The following CTPS2 variants were observed in gnomAD, a reference collection of about 807,000 sequenced individuals.
The protein encoded by CTPS2 is CTP synthase II.
In CTPS2, 19 loss-of-function variants were observed where a neutral mutation model predicts 46.8. The ratio of observed to expected loss-of-function variants is 0.41; its 90% CI spans 0.28 to 0.60. CTPS2 has a LOEUF of 0.60. CTPS2 is among the 20% of genes least tolerant of loss of function. The pLI is 0.35. For missense variants in CTPS2, 286 were observed against 447.6 expected (o/e 0.64, Z 3.26); for synonymous variants, 151 against 165.2 (o/e 0.91, Z 0.66).
At chrX:16,676,787 C>T (rs1016473335) in intron 10 of CTPS2, among the ~76,000 whole-genome samples, 7 of 111,485 alleles carry the variant, frequency 6.3e-5, no homozygotes, top group Non-Finnish European at 1.3e-4. Flanking sequence ...CAGGGCTGGG[C>T]GTGGTGGCTC....
chrX:16,670,182 C>G (rs1921626310), intron 11 of CTPS2, among the ~76,000 whole-genome samples: 2 of 111,866 alleles, frequency 1.8e-5, no homozygotes, highest in South Asian at 7.4e-4. Context: ...GCAGATGGAG[C>G]CTTCTCCCAG....
At chrX:16,590,407 G>A (rs1325111432) in intron 18 of CTPS2, among the ~76,000 whole-genome samples, 3 of 111,589 alleles carry the variant, frequency 2.7e-5, no homozygotes, top group Admixed American at 9.6e-5. Context: ...AGTAGTTGCC[G>A]CAGGAACTGC....
chrX:16,632,965 C>T (rs1007766453), intron 14 of CTPS2, among the ~76,000 whole-genome samples: 2 of 111,568 alleles, frequency 1.8e-5, no homozygotes, highest in South Asian at 3.8e-4. Flanking sequence ...GATATGTATG[C>T]AAGCCAGTAG....
In CTPS2 at chrX:16,590,765, C is replaced by T. The variant is rs1424716104; in HGVS notation, c.*28G>A. On this transcript the variant is annotated 3_prime_UTR_variant, in exon 18 of 19. Transcript: ENST00000359276. ...ATTCCATCTTACCCTCACAGGCAGT[C>T]CCCATTATTCCCAGTCATGTATTCA... 3.8e-6 allele frequency: 4 copies of T among 1,064,342 alleles called. No individual in the cohort carries two copies. Among genetic ancestry groups the T allele is most frequent in the Admixed American group, 2.2e-5 (1 of 44,721 alleles). The allele number at this position is 1,064,342 out of a possible 1,213,427, so 87.7% of individuals were successfully genotyped here. A position where few individuals can be genotyped will look rare whatever the true frequency, so the allele number is the denominator to read the frequency against.
At chrX:16,688,678 A>G (rs1923443498) in intron 8 of CTPS2, among the ~76,000 whole-genome samples, 1 of 111,794 alleles carries the variant, frequency 8.9e-6, no homozygotes, top group African/African-American at 3.2e-5. Context: ...CAGTTAATGA[A>G]TGCAGGATGA....
rs1437448130 is a variant in CTPS2 at position 16,669,711 on chromosome X, T to C, written c.1189+869A>G. ...AAGAAGCTAATCAAAGAGCAGGTAA[T>C]GGGGGGAAATAAATGGTCTGCTGGC... is the stretch of plus-strand genomic sequence containing the variant. On this transcript the variant is annotated intron_variant, in intron 11 of 18. Coordinates refer to ENST00000359276, the MANE Select transcript of CTPS2 (RefSeq NM_175859.3). Among the ~76,000 whole-genome samples, 3 of 108,799 alleles carry C rather than the reference T, an allele frequency of 2.8e-5. No individual in the cohort carries two copies. The East Asian group carries it at 8.7e-4, about 32-fold the overall frequency. 94.5% of individuals were successfully genotyped at this position (108,799 alleles called of 115,157 possible).
chrX:16,683,297 C>G (rs949647794), intron 8 of CTPS2, 71 bp from the exon 9 acceptor site: 1 of 1,086,166 alleles, frequency 9.2e-7, no homozygotes. Context: ...ATGGCAGCTG[C>G]TGCTCTTACT....
intron 14 of CTPS2, among the ~76,000 whole-genome samples, chrX:16,638,134 A>AGT (rs1240198153): frequency 5.5e-5 from 6 of 109,499 alleles, no homozygotes; most frequent in African/African-American, 2.0e-4. Context: ...AGGCGCCTGT[A>AGT]GTCCCAGCTA....
At chrX:16,615,303 C>A (rs771188205) in intron 16 of CTPS2, among the ~76,000 whole-genome samples, 1 of 111,351 alleles carries the variant, frequency 9.0e-6, no homozygotes, top group South Asian at 3.8e-4. Context: ...CATGGCACTG[C>A]ACTCCAGCCT....
intron 13 of CTPS2, among the ~76,000 whole-genome samples, chrX:16,665,262 A>G (rs890703506): frequency 1.8e-5 from 2 of 112,900 alleles, no homozygotes; most frequent in Non-Finnish European, 3.7e-5. Flanking sequence ...CAGAATTACC[A>G]TATGACTCAG....
At chrX:16,599,467 C>CTTTTT (rs1009319649) in intron 17 of CTPS2, among the ~76,000 whole-genome samples, 3 of 94,561 alleles carry the variant, frequency 3.2e-5, no homozygotes, top group African/African-American at 1.2e-4. Flanking sequence ...TTTTCTTTTT[C>CTTTTT]TTTTTTTTCT....
chrX:16,671,883 T>C (rs781470933), intron 10 of CTPS2, among the ~76,000 whole-genome samples: 1 of 110,591 alleles, frequency 9.0e-6, no homozygotes, highest in East Asian at 2.8e-4. Flanking sequence ...CAAAGGAAAA[T>C]CGTCTGTGTG....
chrX:16,595,024 G>T (rs928528681), intron 17 of CTPS2, among the ~76,000 whole-genome samples: 3 of 112,652 alleles, frequency 2.7e-5, no homozygotes, highest in Non-Finnish European at 3.7e-5. Flanking sequence ...CGCCGTGAGC[G>T]CTACTCTATG....
intron 14 of CTPS2, among the ~76,000 whole-genome samples, chrX:16,629,549 G>A (rs888699745): frequency 3.7e-5 from 4 of 109,388 alleles, no homozygotes; most frequent in Admixed American, 9.7e-5. Flanking sequence ...TTTTTTACAT[G>A]GTTTTTCTTT....
At chrX:16,641,205 G>A (rs1384444937) in intron 13 of CTPS2, among the ~76,000 whole-genome samples, 6 of 111,955 alleles carry the variant, frequency 5.4e-5, no homozygotes, top group African/African-American at 1.6e-4. Flanking sequence ...GAAGTCCTAC[G>A]TGTATTCAGA....
intron 16 of CTPS2, among the ~76,000 whole-genome samples, chrX:16,611,166 G>A (rs73448254): frequency 0.013 from 1,413 of 111,826 alleles, 31 homozygotes; most frequent in African/African-American, 0.043. Context: ...AAATCTGCAC[G>A]TGGGCCAAGC....
At chrX:16,614,338 GA>G (rs1304826007) in intron 16 of CTPS2, among the ~76,000 whole-genome samples, 1 of 112,128 alleles carries the variant, frequency 8.9e-6, no homozygotes, top group Non-Finnish European at 1.9e-5. Flanking sequence ...TATCTTAACA[GA>G]AACAGGAGAA....
In CTPS2 at chrX:16,712,549, C is replaced by G. The variant is rs937573589; in HGVS notation, c.-254G>C. On this transcript the variant is annotated 5_prime_UTR_variant, in exon 1 of 19. Coordinates refer to ENST00000359276, the MANE Select transcript of CTPS2 (RefSeq NM_175859.3). ...CCTCTCCTCCCTGCTGCTGGCCCAGCTCACTCACGCTGGTGAGCTTGGGGT... is the reference window on the plus strand; with the variant it reads ...CCTCTCCTCCCTGCTGCTGGCCCAGGTCACTCACGCTGGTGAGCTTGGGGT... 7.1e-5 allele frequency: 8 copies of G among 113,063 alleles called. No individual in the cohort carries two copies. Among genetic ancestry groups the G allele is most frequent in the Non-Finnish European group, 1.3e-4 (7 of 53,347 alleles). 9.3% of individuals were successfully genotyped at this position (113,063 alleles called of 1,213,427 possible).
intron 17 of CTPS2, among the ~76,000 whole-genome samples, chrX:16,599,903 C>G (rs1407044626): frequency 9.1e-6 from 1 of 109,840 alleles, no homozygotes; most frequent in Admixed American, 9.7e-5. Flanking sequence ...CTCAGCCACC[C>G]AAGTAGCTGG....
Sources: allele counts gnomAD v4.1 joint callset (sites outside exome capture counted in the v4.1 genomes callset), GRCh38; gene constraint gnomAD v4.1.1; transcripts MANE v1.5; gene names NCBI Gene and HGNC (gene_info 2026-07-23, HGNC 2026-07-21).